The following NINJ2 variants were observed in gnomAD, a reference collection of about 807,000 sequenced individuals.
NINJ2 encodes the protein ninjurin 2.
A neutral mutation model predicts 11.7 loss-of-function variants in NINJ2; 12 were observed. That is an observed-to-expected ratio of 1.02 (90% CI 0.66 to 1.66). The LOEUF is 1.66. Ranked by LOEUF, NINJ2 falls within the 40% of genes most tolerant of loss-of-function variation. The pLI, the probability that NINJ2 is intolerant of heterozygous loss-of-function variation, is 0.00. For synonymous variants in NINJ2, 93 were observed against 76.8 expected, an observed-to-expected ratio of 1.21 and a Z score of -1.10; for missense variants, 187 against 181.8, an observed-to-expected ratio of 1.03 and a Z score of -0.16.
At chr12:630,114 C>T (rs888204526) in intron 1 of NINJ2, among the ~76,000 whole-genome samples, 14 of 151,188 alleles carry the variant, frequency 9.3e-5, no homozygotes, top group Admixed American at 6.6e-5. Flanking sequence ...CCTTAGGTAA[C>T]GCCAAGATAG....
intron 1 of NINJ2, among the ~76,000 whole-genome samples, chr12:583,521 G>A (rs958107369): frequency 2.6e-5 from 4 of 152,236 alleles, no homozygotes; most frequent in South Asian, 2.1e-4. Flanking sequence ...CCCTGTCATC[G>A]CTGTGACTGT....
chr12:625,201 AG>A (rs1948199696), intron 1 of NINJ2, among the ~76,000 whole-genome samples: 1 of 152,068 alleles, frequency 6.6e-6, no homozygotes, highest in Non-Finnish European at 1.5e-5. Context: ...TGGACTCTGA[AG>A]GATGGGTAAG....
chr12:658,375 A>G (rs1937902030), intron 1 of NINJ2, among the ~76,000 whole-genome samples: 1 of 152,220 alleles, frequency 6.6e-6, no homozygotes, highest in South Asian at 2.1e-4. Context: ...CGGTAGGTGA[A>G]TAAAATAAAC....
chr12:609,577 G>A (rs1947998163), intron 1 of NINJ2, among the ~76,000 whole-genome samples: 1 of 151,906 alleles, frequency 6.6e-6, no homozygotes, highest in African/African-American at 2.4e-5. Context: ...AGACCATCCT[G>A]GTTAACATGG....
intron 1 of NINJ2, among the ~76,000 whole-genome samples, chr12:577,431 A>ACATATATATG: frequency 7.4e-6 from 1 of 134,240 alleles, no homozygotes; most frequent in African/African-American, 2.9e-5. Context: ...ATATATATAC[A>ACATATATATG]TATATATATA....
chr12:660,111 C>T (rs11610339), intron 1 of NINJ2, among the ~76,000 whole-genome samples: 33,332 of 151,084 alleles, frequency 0.22, 3,766 homozygotes, highest in South Asian at 0.27. Flanking sequence ...ACAGTGAGAC[C>T]CCAATCACTA....
intron 1 of NINJ2, among the ~76,000 whole-genome samples, chr12:572,804 C>G (rs1036049900): frequency 6.6e-6 from 1 of 151,166 alleles, no homozygotes; most frequent in African/African-American, 2.4e-5. Context: ...CAAGATCACA[C>G]AGCACAGAGT....
At chr12:663,239 T>C in intron 1 of NINJ2, 89 bp downstream of exon 1, 2 of 1,196,448 alleles carry the variant, frequency 1.7e-6, no homozygotes, top group South Asian at 2.7e-5. Flanking sequence ...GGAGGGAGAA[T>C]ATCAAGTGAC....
intron 1 of NINJ2, among the ~76,000 whole-genome samples, chr12:632,853 G>A (rs1231535908): frequency 6.6e-6 from 1 of 152,164 alleles, no homozygotes; most frequent in Non-Finnish European, 1.5e-5. Context: ...GCCCTTTCTG[G>A]AGTGTGGAAG....
intron 1 of NINJ2, among the ~76,000 whole-genome samples, chr12:637,564 C>A (rs568823416): frequency 6.6e-6 from 1 of 151,440 alleles, no homozygotes; most frequent in South Asian, 2.1e-4. Context: ...TCGCTTGAAC[C>A]CTAGAGGCAG....
At chr12:575,805 G>C (rs796444303) in intron 1 of NINJ2, among the ~76,000 whole-genome samples, 10 of 152,210 alleles carry the variant, frequency 6.6e-5, no homozygotes, top group Admixed American at 3.3e-4. Context: ...GCTTCTGGGT[G>C]GGGGAGAGGA....
chr12:618,694 C>T (rs138496380), intron 1 of NINJ2, among the ~76,000 whole-genome samples: 1 of 152,278 alleles, frequency 6.6e-6, no homozygotes, highest in Non-Finnish European at 1.5e-5. Context: ...GATCAGGAGC[C>T]GAATTGCCTC....
At chr12:656,621 C>T (rs1373390904) in intron 1 of NINJ2, among the ~76,000 whole-genome samples, 1 of 151,624 alleles carries the variant, frequency 6.6e-6, no homozygotes, top group Non-Finnish European at 1.5e-5. Context: ...TGGTGGCGGG[C>T]CCCTGTAATC....
At chr12:662,825 C>G (rs147054095) in intron 1 of NINJ2, among the ~76,000 whole-genome samples, 1 of 152,318 alleles carries the variant, frequency 6.6e-6, no homozygotes, top group Non-Finnish European at 1.5e-5. Context: ...TTGCACTGTC[C>G]AAATGAGACG....
At position 663,269 on chromosome 12, in the gene NINJ2, T is replaced by C. The variant is rs141816686; in HGVS notation, c.33+59A>G. 3.7e-4 allele frequency: 551 copies of C among 1,494,582 alleles called. 3 individuals are homozygous for C. The African/African-American group carries it at 6.9e-3, about 19-fold the overall frequency. 92.6% of individuals were successfully genotyped at this position (1,494,582 alleles called of 1,614,324 possible). A position where few individuals can be genotyped will look rare whatever the true frequency, so the allele number is the denominator to read the frequency against. On this transcript the variant is annotated intron_variant, in intron 1 of 3. Transcript: ENST00000305108. ...AGTGACTAAAGTATCAATCCTCTGT[T>C]CTTCCAGCTTCACCTCTACTCCCGG...
chr12:612,748 G>A (rs936687087), intron 1 of NINJ2, among the ~76,000 whole-genome samples: 4 of 152,074 alleles, frequency 2.6e-5, no homozygotes, highest in South Asian at 2.1e-4. Context: ...TCTGTCACCC[G>A]TAACCCAAAG....
Position 564,560 on chromosome 12 carries a change from G to T in NINJ2, c.*140C>A, listed in dbSNP as rs1463143170. 6.6e-6 allele frequency: 1 copy of T among 152,232 alleles called. No homozygotes were observed. Among genetic ancestry groups the T allele is most frequent in the African/African-American group, 2.4e-5 (1 of 41,460 alleles). 9.4% of individuals were successfully genotyped at this position (152,232 alleles called of 1,614,324 possible). A position where few individuals can be genotyped will look rare whatever the true frequency, so the allele number is the denominator to read the frequency against. ...ACATAAAAATCACTTTTTAACTCAG[G>T]TGCTGTGGGTAGGGAGCAAGGGCAG... On this transcript the variant is annotated 3_prime_UTR_variant, in exon 4 of 4. Transcript: ENST00000305108.
At chr12:610,262 G>A in intron 1 of NINJ2, 1 of 1,170,168 alleles carries the variant, frequency 8.5e-7, no homozygotes, top group Non-Finnish European at 1.2e-6. Context: ...AGCCCCTCTG[G>A]CAGCCCTCTT....
chr12:615,969 G>C (rs903683393), intron 1 of NINJ2, among the ~76,000 whole-genome samples: 45 of 152,216 alleles, frequency 3.0e-4, no homozygotes, highest in African/African-American at 9.2e-4. Context: ...ATCATTCCAG[G>C]GGGTTTTAGC....
Sources: gnomAD v4.1 joint callset for allele counts (sites outside exome capture counted in the v4.1 genomes callset) on GRCh38, gnomAD v4.1.1 for gene constraint, MANE v1.5 for transcripts, NCBI Gene and HGNC (gene_info 2026-07-23, HGNC 2026-07-21) for gene names.